Variants in CSMD1 observed in about 807,000 individuals in gnomAD.
The protein encoded by CSMD1 is CUB and sushi domain-containing protein 1.
In CSMD1, 213 loss-of-function variants were observed where a neutral mutation model predicts 417.5. The observed-to-expected ratio is 0.51, with a 90% CI of 0.46 to 0.57. The LOEUF (loss-of-function observed/expected upper bound fraction) is 0.57. CSMD1 is among the 20% of genes least tolerant of loss of function. The pLI is 0.00. For synonymous variants in CSMD1, 2,862 were observed against 1,736.8 expected (o/e 1.65, Z -16.11); for missense variants, 6,923 against 4,529.7 (o/e 1.53, Z -15.17).
chr8:3,564,949 C>T (rs13258976), intron 10 of CSMD1, among the ~76,000 whole-genome samples: 51,936 of 150,638 alleles, frequency 0.34, 9,379 homozygotes, highest in African/African-American at 0.45. Flanking sequence ...CATGGATCAA[C>T]GCCATAAGAT....
At chr8:3,901,861 T>A (rs1807776191) in intron 5 of CSMD1, among the ~76,000 whole-genome samples, 1 of 152,340 alleles carries the variant, frequency 6.6e-6, no homozygotes, top group Admixed American at 6.5e-5. Flanking sequence ...TTTATTATAC[T>A]GTACTCTTCT....
At chr8:4,328,214 C>T (rs1799665428) in intron 3 of CSMD1, among the ~76,000 whole-genome samples, 1 of 150,652 alleles carries the variant, frequency 6.6e-6, no homozygotes, top group South Asian at 2.1e-4. Flanking sequence ...CCAAATTCTA[C>T]ACACCCAATT....
chr8:3,321,321 G>C (rs1398664051), intron 23 of CSMD1, among the ~76,000 whole-genome samples: 3 of 152,102 alleles, frequency 2.0e-5, no homozygotes, highest in Non-Finnish European at 4.4e-5. Flanking sequence ...CTCTGCACCA[G>C]GGCTCATGAT....
chr8:3,489,477 G>A (rs903081721), intron 11 of CSMD1, among the ~76,000 whole-genome samples: 1 of 152,174 alleles, frequency 6.6e-6, no homozygotes, highest in African/African-American at 2.4e-5. Context: ...TCCAGGGAAG[G>A]CCATAGCTCT....
At chr8:3,752,702 A>AAC (rs1797417961) in intron 6 of CSMD1, among the ~76,000 whole-genome samples, 6 of 150,128 alleles carry the variant, frequency 4.0e-5, no homozygotes, top group African/African-American at 1.5e-4. Context: ...AAAAAAAAAA[A>AAC]AACATATTTT....
intron 1 of CSMD1, among the ~76,000 whole-genome samples, chr8:4,886,581 T>G (rs1803754739): frequency 6.6e-6 from 1 of 151,970 alleles, no homozygotes; most frequent in Non-Finnish European, 1.5e-5. Flanking sequence ...CATTAGGTCT[T>G]CTTTAATTGT....
At chr8:3,999,965 T>G (rs896880043) in intron 4 of CSMD1, among the ~76,000 whole-genome samples, 2 of 152,210 alleles carry the variant, frequency 1.3e-5, no homozygotes, top group Non-Finnish European at 2.9e-5. Flanking sequence ...GTGCACAGAT[T>G]ATAAAAATTA....
intron 5 of CSMD1, among the ~76,000 whole-genome samples, chr8:3,883,578 G>C (rs1169602308): frequency 6.6e-6 from 1 of 152,044 alleles, no homozygotes; most frequent in South Asian, 2.1e-4. Flanking sequence ...TCAAGGAATA[G>C]TTTGCAAAAA....
chr8:3,722,824 G>GA (rs1802265576), intron 6 of CSMD1, among the ~76,000 whole-genome samples: 1 of 152,164 alleles, frequency 6.6e-6, no homozygotes, highest in Admixed American at 6.5e-5. Flanking sequence ...TGGTCTTGAG[G>GA]AAAAATATGT....
At chr8:4,157,380 C>G (rs1796892799) in intron 3 of CSMD1, among the ~76,000 whole-genome samples, 1 of 152,172 alleles carries the variant, frequency 6.6e-6, no homozygotes, top group Admixed American at 6.5e-5. Flanking sequence ...TTTATTCACG[C>G]CAGCTCAAAG....
chr8:4,159,700 T>A (rs924152655), intron 3 of CSMD1, among the ~76,000 whole-genome samples: 11 of 152,150 alleles, frequency 7.2e-5, no homozygotes, highest in African/African-American at 2.7e-4. Context: ...GCCATTCTCC[T>A]GCCTCAGCCT....
At chr8:3,767,500 C>A (rs2129057762) in intron 5 of CSMD1, among the ~76,000 whole-genome samples, 1 of 152,320 alleles carries the variant, frequency 6.6e-6, no homozygotes, top group South Asian at 2.1e-4. Context: ...CTTCCCCCAA[C>A]CTAACTAAGG....
At chr8:3,289,417 G>A (rs963499373) in intron 25 of CSMD1, among the ~76,000 whole-genome samples, 1 of 147,326 alleles carries the variant, frequency 6.8e-6, no homozygotes. Flanking sequence ...CTTCACAATG[G>A]TTGAACTAGT....
chr8:4,526,334 C>T (rs1249477242), intron 2 of CSMD1, among the ~76,000 whole-genome samples: 1 of 152,178 alleles, frequency 6.6e-6, no homozygotes, highest in African/African-American at 2.4e-5. Flanking sequence ...TTGCAAAATA[C>T]TATGGTATTA....
intron 3 of CSMD1, among the ~76,000 whole-genome samples, chr8:4,233,056 G>A (rs189288567): frequency 3.9e-5 from 6 of 152,156 alleles, no homozygotes; most frequent in Non-Finnish European, 8.8e-5. Context: ...TGTTGCTCTA[G>A]GTTTATTAAA....
intron 1 of CSMD1, among the ~76,000 whole-genome samples, chr8:4,665,228 C>G (rs531518704): frequency 6.6e-6 from 1 of 152,152 alleles, no homozygotes; most frequent in Non-Finnish European, 1.5e-5. Flanking sequence ...TCTCCCACGA[C>G]CTTCCTCTCC....
intron 1 of CSMD1, among the ~76,000 whole-genome samples, chr8:4,951,580 A>C (rs1808750750): frequency 1.7e-5 from 1 of 59,860 alleles, no homozygotes; most frequent in Non-Finnish European, 4.5e-5. Flanking sequence ...AAAGAAAAGA[A>C]GCAAAAAAAA....
intron 5 of CSMD1, among the ~76,000 whole-genome samples, chr8:3,943,691 G>A (rs1031259406): frequency 6.6e-6 from 1 of 152,022 alleles, no homozygotes; most frequent in Admixed American, 6.6e-5. Flanking sequence ...ATGAACTGAA[G>A]ACACAATGCC....
intron 20 of CSMD1, among the ~76,000 whole-genome samples, chr8:3,366,384 T>C (rs1176842837): frequency 1.4e-5 from 2 of 142,702 alleles, no homozygotes; most frequent in East Asian, 4.2e-4. Flanking sequence ...TTCTTATCTG[T>C]AGAAAAAATT....
Sources: gnomAD v4.1 joint callset for allele counts (sites outside exome capture counted in the v4.1 genomes callset) on GRCh38, gnomAD v4.1.1 for gene constraint, MANE v1.5 for transcripts, NCBI Gene and HGNC (gene_info 2026-07-23, HGNC 2026-07-21) for gene names.